Variants in ZSCAN9 observed in about 807,000 individuals in gnomAD.
ZSCAN9 encodes the protein zinc finger and SCAN domain containing 9.
A neutral mutation model predicts 23.0 loss-of-function variants in ZSCAN9; 19 were observed. The observed-to-expected ratio is 0.83, with a 90% CI of 0.58 to 1.21. The LOEUF (loss-of-function observed/expected upper bound fraction) is 1.21. Among genes scored for constraint, ZSCAN9 ranks in the 50% most tolerant of loss-of-function variants. ZSCAN9 has a pLI of 0.00. For missense variants in ZSCAN9, 467 were observed against 471.5 expected (o/e 0.99, Z 0.09); for synonymous variants, 155 against 164.8 (o/e 0.94, Z 0.46).
intron 3 of ZSCAN9, chr6:28,230,600 G>A (rs1760271254): frequency 2.0e-6 from 2 of 999,492 alleles, no homozygotes; most frequent in Non-Finnish European, 2.8e-6. Context: ...TTTCTGGGTT[G>A]CAAAGTGAAA....
At chr6:28,230,584 G>T in intron 3 of ZSCAN9, 1 of 1,222,990 alleles carries the variant, frequency 8.2e-7, no homozygotes, top group Non-Finnish European at 1.1e-6. Flanking sequence ...TGTTGTCCTC[G>T]GCCTTTTTCT....
At chr6:28,229,685 A>T (rs1760230936) in intron 3 of ZSCAN9, among the ~76,000 whole-genome samples, 1 of 152,176 alleles carries the variant, frequency 6.6e-6, no homozygotes, top group South Asian at 2.1e-4. Context: ...GTTTCTTTTT[A>T]AGTTATGCTG....
At chr6:28,226,617 T>C (rs1231823907) in intron 1 of ZSCAN9, among the ~76,000 whole-genome samples, 1 of 152,094 alleles carries the variant, frequency 6.6e-6, no homozygotes, top group Non-Finnish European at 1.5e-5. Flanking sequence ...ACACAACTAG[T>C]AAATATTAGG....
chr6:28,227,217 C>A lies in ZSCAN9; in HGVS notation c.133C>A (p.Pro45Thr), dbSNP rs1760139863. The change falls in exon 2 of 4, where the codon CCA becomes ACA. Residue 45 changes from proline to threonine, a missense_variant. Coordinates refer to ENST00000252207, the MANE Select transcript of ZSCAN9 (RefSeq NM_006299.5). ...GGAATCCAGACTGAAACGCAGTAAT[C>A]CACTGGCAAGGGAAATCTTCCGAAG... Reference protein sequence around the residue: ...WQESRLKRSNPLAREIFRRHF... With the variant: ...WQESRLKRSNTLAREIFRRHF... The A allele has an allele frequency of 6.2e-7, 1 of 1,614,104 alleles. No individual in the cohort carries two copies. The highest frequency in any genetic ancestry group is 1.3e-5 in the African/African-American group (1 of 74,938).
Position 28,232,936 on chromosome 6 carries a change from T to A in ZSCAN9, c.943T>A (p.Cys315Ser). Residue 315 changes from cysteine to serine, a missense_variant, in exon 4 of 4, where the codon TGT (cysteine) becomes AGT (serine). Cys to Ser is a moderately radical substitution (Grantham distance 112). Transcript: ENST00000252207. ...ACAGAAACGGTACCACTGCAAGGAG[T>A]GTGGGAAGGTCTTCAGTCAGAGTGC... The part of the protein sequence containing the change: ...NIQKRYHCKE[C>S]GKVFSQSAGL... 8.1e-6 allele frequency: 13 copies of A among 1,613,704 alleles called. No homozygotes were observed. Among genetic ancestry groups the A allele is most frequent in the Non-Finnish European group, 1.1e-5 (13 of 1,179,926 alleles).
In ZSCAN9 at chr6:28,227,441, T is replaced by TG; in HGVS notation, c.359dup (p.Glu121ArgfsTer16). ...GGGTGAGGGAACACTGTCCAGAGAG[T>TG]GGAGAAGAGGCTGTGATTTTGCTGG... On this transcript the variant is annotated frameshift_variant, in exon 2 of 4. Transcript: ENST00000252207. LOFTEE classifies it high-confidence loss of function. 1 of 1,613,504 alleles carries TG rather than the reference T, an allele frequency of 6.2e-7. No homozygotes were observed. Among genetic ancestry groups the TG allele is most frequent in the Non-Finnish European group, 8.5e-7 (1 of 1,179,734 alleles).
Position 28,227,487 on chromosome 6 carries a change from G to T in ZSCAN9, c.403G>T (p.Asp135Tyr). The T allele has an allele frequency of 6.2e-7, 1 of 1,600,146 alleles. No homozygotes were observed. The highest frequency in any genetic ancestry group is 8.5e-7 in the Non-Finnish European group (1 of 1,173,652). Residue 135 changes from aspartate (D) to tyrosine (Y), a missense_variant, in exon 2 of 4, where the codon GAT (aspartate) becomes TAT (tyrosine). By Grantham distance (160) the Asp-to-Tyr change is radical. Coordinates refer to ENST00000252207, the MANE Select transcript of ZSCAN9 (RefSeq NM_006299.5). ...ILLEDLEREL[D>Y]EPQHEMVAHR... Reference sequence around the variant, plus strand: ...GCTGGAGGATCTGGAGAGAGAGCTCGATGAACCACAACATGAGGTAGGAAG... The same window carrying T: ...GCTGGAGGATCTGGAGAGAGAGCTCTATGAACCACAACATGAGGTAGGAAG...
chr6:28,230,437 C>T (rs1249281722), intron 3 of ZSCAN9: 2 of 1,536,040 alleles, frequency 1.3e-6, no homozygotes, highest in East Asian at 2.4e-5. Context: ...TGTGATCCCC[C>T]AGCTAAAAGG....
rs759630117 is a variant in ZSCAN9 at position 28,232,845 on chromosome 6, T to C, written c.852T>C (p.Cys284=). The C allele has an allele frequency of 1.9e-6, 3 of 1,614,206 alleles. No individual in the cohort carries two copies. The South Asian group carries it at 3.3e-5, about 18-fold the overall frequency. ...RIHTGERPYE[C]NECGKAFSRS... ...ATACTGGAGAAAGACCTTATGAATG[T>C]AATGAATGTGGGAAAGCCTTCAGTC... The change falls in exon 4 of 4, where the codon TGT becomes TGC. Residue 284 remains cysteine (C), a synonymous_variant. Coordinates refer to ENST00000252207, the MANE Select transcript of ZSCAN9 (RefSeq NM_006299.5).
At chr6:28,225,505 C>A (rs938965491) in intron 1 of ZSCAN9, 139 bp downstream of exon 1, 4 of 152,424 alleles carry the variant, frequency 2.6e-5, no homozygotes, top group African/African-American at 9.7e-5. Flanking sequence ...CGGCTTCGGG[C>A]GTCCCCTAGA....
intron 3 of ZSCAN9, 143 bp downstream of exon 3, chr6:28,227,980 G>T: frequency 9.9e-7 from 1 of 1,012,362 alleles, no homozygotes; most frequent in Non-Finnish European, 1.5e-6. Flanking sequence ...AGAGCCTAGT[G>T]TGCTCATCTT....
chr6:28,228,021 C>G (rs1760178694), intron 3 of ZSCAN9, 184 bp downstream of exon 3: 2 of 756,626 alleles, frequency 2.6e-6, no homozygotes, highest in South Asian at 1.5e-5. Context: ...AGACTTCTCC[C>G]TGAGTACCAC....
rs1760084088 is a variant in ZSCAN9, at chr6:28,225,322, GC to G, written c.-116del. The G allele has an allele frequency of 6.6e-6, 1 of 152,164 alleles. No individual in the cohort carries two copies. The highest frequency in any genetic ancestry group is 1.5e-5 in the Non-Finnish European group (1 of 68,048). 9.4% of individuals were successfully genotyped at this position (152,164 alleles called of 1,614,324 possible). On this transcript the variant is annotated 5_prime_UTR_variant, in exon 1 of 4. Coordinates refer to ENST00000252207, the MANE Select transcript of ZSCAN9 (RefSeq NM_006299.5). ...TTGTTCGTGCCGCGCTTCTAGCAAC[GC>G]CGGGCCGGTAACCCCCTCTCCCTCC...
intron 3 of ZSCAN9, among the ~76,000 whole-genome samples, chr6:28,231,725 C>T (rs946784083): frequency 3.5e-5 from 5 of 143,086 alleles, no homozygotes; most frequent in Non-Finnish European, 7.8e-5. Flanking sequence ...AGTGAGACTC[C>T]GTCTCAAAAA....
chr6:28,225,364 C>T lies in ZSCAN9; in HGVS notation c.-76C>T, dbSNP rs1581558942. The T allele has an allele frequency of 6.6e-6, 1 of 152,118 alleles. No individual in the cohort carries two copies. Among genetic ancestry groups the T allele is most frequent in the Non-Finnish European group, 1.5e-5 (1 of 68,046 alleles). 9.4% of individuals were successfully genotyped at this position (152,118 alleles called of 1,614,324 possible). The stretch of plus-strand genomic sequence containing the variant: ...CTCTCCCTCCTTGCGCGTTCCGGGT[C>T]TCGTGAGTTGGCTGTGGGGACCGGG... On this transcript the variant is annotated splice_region_variant and 5_prime_UTR_variant, in exon 1 of 4. Coordinates refer to ENST00000252207, the MANE Select transcript of ZSCAN9 (RefSeq NM_006299.5).
intron 3 of ZSCAN9, chr6:28,228,049 CT>C (rs1383828271): frequency 1.4e-6 from 1 of 710,388 alleles, no homozygotes; most frequent in Admixed American, 2.0e-5. Context: ...GCTTTCTGGA[CT>C]TCTGATGCAT....
chr6:28,230,315 C>A, intron 3 of ZSCAN9: 1 of 1,508,394 alleles, frequency 6.6e-7, no homozygotes, highest in Non-Finnish European at 8.8e-7. Context: ...ATATTCTACC[C>A]AGCTCCCTTA....
At chr6:28,231,636 C>G (rs1252745997) in intron 3 of ZSCAN9, among the ~76,000 whole-genome samples, 1 of 151,978 alleles carries the variant, frequency 6.6e-6, no homozygotes, top group Non-Finnish European at 1.5e-5. Flanking sequence ...TGCCTGTAGT[C>G]CCAGCTACTC....
intron 3 of ZSCAN9, chr6:28,228,107 G>C (rs1240698849): frequency 1.5e-6 from 1 of 675,908 alleles, no homozygotes; most frequent in African/African-American, 1.8e-5. Flanking sequence ...CACAGCTTCA[G>C]AGAATGGACT....
Sources: allele counts gnomAD v4.1 joint callset (sites outside exome capture counted in the v4.1 genomes callset), GRCh38; gene constraint gnomAD v4.1.1; transcripts MANE v1.5; gene names NCBI Gene and HGNC (gene_info 2026-07-23, HGNC 2026-07-21).